SPEN: variants seen among roughly 807,000 people sequenced by gnomAD.
SPEN encodes the protein msx2-interacting protein.
SPEN carries 18 observed loss-of-function variants against 269.9 expected under a neutral mutation model. That is an observed-to-expected ratio of 0.07 (90% confidence interval 0.05 to 0.10). The LOEUF is 0.10. Ranked by LOEUF, SPEN falls within the 10% of genes least tolerant of loss-of-function variation. SPEN has a pLI of 1.00. For synonymous variants in SPEN, 1,726 were observed against 1,765.7 expected, an observed-to-expected ratio of 0.98 and a Z score of 0.56; for missense variants, 3,822 against 4,631.2, an observed-to-expected ratio of 0.83 and a Z score of 5.07.
chr1:15,899,541 T>TTTG (rs2070879289), intron 3 of SPEN, among the ~76,000 whole-genome samples: 1 of 146,532 alleles, frequency 6.8e-6, no homozygotes, highest in Non-Finnish European at 1.5e-5. Flanking sequence ...GGCAGAGTTT[T>TTTG]TTTTTTTTTT....
chr1:15,860,822 G>C (rs944769894), intron 1 of SPEN, among the ~76,000 whole-genome samples: 9 of 151,802 alleles, frequency 5.9e-5, no homozygotes, highest in Non-Finnish European at 7.4e-5. Context: ...GGATGGTCTC[G>C]ATAACCTGAC....
rs1188801107 is a variant in SPEN at position 15,934,756 on chromosome 1, C to T, written c.8516C>T (p.Pro2839Leu). 9.3e-6 allele frequency: 15 copies of T among 1,614,152 alleles called. No homozygotes were observed. Among genetic ancestry groups the T allele is most frequent in the East Asian group, 2.2e-5 (1 of 44,874 alleles). Residue 2839 changes from proline to leucine, a missense_variant, in exon 11 of 15, where the codon CCG (proline) becomes CTG (leucine). By Grantham distance (98) the Pro-to-Leu change is moderately conservative. This residue lies in a region of SPEN where 329 missense variants were observed against 431.2 expected (regional missense o/e 0.76). Transcript: ENST00000375759. This position sits in a 1 kb window ranked among gnomAD's most constrained non-coding sequence, Gnocchi z 9.2. ...RISAKISQIP[P>L]ASAMDIEFQQ... is the part of the protein sequence containing the mutation. ...AGCGCCAAGATCAGCCAGATCCCCC[C>T]GGCCAGTGCAATGGACATTGAATTT...
chr1:15,888,287 C>G (rs1288767193), intron 3 of SPEN, among the ~76,000 whole-genome samples: 1 of 150,392 alleles, frequency 6.6e-6, no homozygotes, highest in African/African-American at 2.4e-5. Flanking sequence ...ATTTGTTTGA[C>G]TTGGAAGCAA....
intron 1 of SPEN, among the ~76,000 whole-genome samples, chr1:15,857,558 T>C (rs2070399587): frequency 6.6e-6 from 1 of 152,098 alleles, no homozygotes; most frequent in Non-Finnish European, 1.5e-5. Context: ...GGTTTCACCA[T>C]GTTGGCCAGG....
In SPEN at chr1:15,891,232, T is replaced by G. The variant is rs2070784769; in HGVS notation, c.881+14554T>G. On this transcript the variant is annotated intron_variant, in intron 3 of 14. Coordinates refer to ENST00000375759, the MANE Select transcript of SPEN (RefSeq NM_015001.3). ...TAGAGGCAGTCTTGCTCTGTCACCC[T>G]GGCTGGAGTGGTGGTGCAATCATGG... 2.6e-5 allele frequency among the ~76,000 whole-genome samples: 4 copies of G among 152,196 alleles called. No individual in the cohort carries two copies. The South Asian group carries it at 8.3e-4, about 32-fold the overall frequency.
intron 5 of SPEN, among the ~76,000 whole-genome samples, chr1:15,911,806 C>CAA (rs2148729555): frequency 6.6e-6 from 1 of 152,212 alleles, no homozygotes; most frequent in African/African-American, 2.4e-5. Flanking sequence ...ACTAGAAATA[C>CAA]AAAAATTAGC....
intron 3 of SPEN, among the ~76,000 whole-genome samples, chr1:15,876,986 C>G (rs1293996700): frequency 3.9e-5 from 6 of 152,132 alleles, no homozygotes; most frequent in Non-Finnish European, 7.4e-5. Flanking sequence ...AATATGGTAT[C>G]TCTTTAACAT....
chr1:15,933,318 A>C lies in SPEN; in HGVS notation c.7078A>C (p.Asn2360His). The C allele has an allele frequency of 6.2e-7, 1 of 1,613,824 alleles. No homozygotes were observed. Among genetic ancestry groups the C allele is most frequent in the Non-Finnish European group, 8.5e-7 (1 of 1,179,946 alleles). ...APVESHVPES[N>H]QAQGESPAAN... ...TGTAGAGAGCCATGTCCCTGAATCC[A>C]ACCAAGCTCAAGGTGAGAGTCCTGC... is the stretch of plus-strand genomic sequence containing the variant. Residue 2360 changes from asparagine (N) to histidine (H), a missense_variant, in exon 11 of 15, where the codon AAC (asparagine) becomes CAC (histidine). Coordinates refer to ENST00000375759, the MANE Select transcript of SPEN (RefSeq NM_015001.3). The surrounding 1 kb of genome is among the most constrained non-coding windows in gnomAD (Gnocchi z 5.7).
At chr1:15,885,341 A>T (rs920224831) in intron 3 of SPEN, among the ~76,000 whole-genome samples, 1 of 152,186 alleles carries the variant, frequency 6.6e-6, no homozygotes, top group South Asian at 2.1e-4. Flanking sequence ...TTCAAAAGGG[A>T]GAATTTCTTG....
rs755146270 is a variant in SPEN at position 15,935,140 on chromosome 1, A to G, written c.8900A>G (p.Lys2967Arg). The G allele has an allele frequency of 3.8e-5, 62 of 1,613,508 alleles. No individual in the cohort carries two copies. Among genetic ancestry groups the G allele is most frequent in the Non-Finnish European group, 8.5e-7 (1 of 1,179,872 alleles). Residue 2967 changes from lysine to arginine, a missense_variant, in exon 11 of 15, where the codon AAA becomes AGA. Lys to Arg is a conservative substitution (Grantham distance 26, BLOSUM62 2). Around this residue, in one of 16 missense-constraint regions of SPEN, gnomAD observed 20 missense variants for 60.7 expected, o/e 0.33. Coordinates refer to ENST00000375759, the MANE Select transcript of SPEN (RefSeq NM_015001.3). This position sits in a 1 kb window ranked among gnomAD's most constrained non-coding sequence, Gnocchi z 7.7. The part of the protein sequence containing the change: ...NKKLADPVTL[K>R]IETKVLQPAN... ...AAGCTTGCTGACCCCGTCACCCTTA[A>G]AATCGAGACCAAGGTCCTTCAGCCG...
intron 1 of SPEN, among the ~76,000 whole-genome samples, chr1:15,867,930 A>T (rs1206118437): frequency 6.6e-6 from 1 of 151,848 alleles, no homozygotes; most frequent in Admixed American, 6.6e-5. Flanking sequence ...GCCTCCTGGG[A>T]TCAAGCAATC....
At position 15,928,225 on chromosome 1, in the gene SPEN, A is replaced by G. The variant is rs762224428; in HGVS notation, c.1985A>G (p.Glu662Gly). ...ARGREFYSEW[E>G]TYQGDYYESR... ...GGGAGAGAGTTTTATTCAGAATGGG[A>G]AACTTACCAAGGAGACTACTATGAA... The change falls in exon 11 of 15, where the codon GAA (glutamate) becomes GGA (glycine). Residue 662 changes from glutamate to glycine, a missense_variant. By Grantham distance (98) the Glu-to-Gly change is moderately conservative (BLOSUM62 -2). This residue lies in a region of SPEN where 230 missense variants were observed against 426.1 expected (regional missense o/e 0.54). Transcript: ENST00000375759. This position sits in a 1 kb window ranked among gnomAD's most constrained non-coding sequence, Gnocchi z 5.7. The G allele has an allele frequency of 1.6e-5, 26 of 1,614,072 alleles. No individual in the cohort carries two copies. The highest frequency in any genetic ancestry group is 2.1e-5 in the Non-Finnish European group (25 of 1,180,034).
At chr1:15,865,722 A>C (rs567492185) in intron 1 of SPEN, among the ~76,000 whole-genome samples, 67 of 152,094 alleles carry the variant, frequency 4.4e-4, no homozygotes, top group African/African-American at 1.6e-3. Flanking sequence ...CACCGCACCC[A>C]GCCACATTTG....
intron 1 of SPEN, among the ~76,000 whole-genome samples, chr1:15,871,083 C>T (rs1342714470): frequency 6.6e-6 from 1 of 152,160 alleles, no homozygotes; most frequent in Non-Finnish European, 1.5e-5. Context: ...ATTCTCCTGC[C>T]TCAGCCTCCT....
intron 3 of SPEN, among the ~76,000 whole-genome samples, chr1:15,896,122 A>G (rs921539527): frequency 6.9e-6 from 1 of 144,416 alleles, no homozygotes; most frequent in African/African-American, 2.6e-5. Context: ...TATGTAAACT[A>G]TTGGACTTGA....
At chr1:15,909,278 G>GTTT in intron 3 of SPEN, 43 bp from the exon 4 acceptor site, 1 of 1,575,354 alleles carries the variant, frequency 6.3e-7, no homozygotes, top group Non-Finnish European at 8.6e-7. Context: ...CTCATTTTCT[G>GTTT]TTTGTCTTTT....
rs34195453 is a variant in SPEN at position 15,859,905 on chromosome 1, C to CTTTTTTTTTTTTTT, written c.83+11766_83+11779dup. ...AGTATAAAGAATGATCAGTTAACAT[C>CTTTTTTTTTTTTTT]TTTTTTTTTTTTTTTTTTTTTTTTG... On this transcript the variant is annotated intron_variant, in intron 1 of 14. Transcript: ENST00000375759. Among the ~76,000 whole-genome samples the CTTTTTTTTTTTTTT allele has an allele frequency of 5.7e-4, 45 of 79,632 alleles. 7 individuals carry two copies. Among genetic ancestry groups the CTTTTTTTTTTTTTT allele is most frequent in the African/African-American group, 1.1e-3 (21 of 18,772 alleles). The allele number at this position is 79,632 out of a possible 152,430, so 52.2% of individuals were successfully genotyped here. A position where few individuals can be genotyped will look rare whatever the true frequency, so the allele number is the denominator to read the frequency against.
intron 10 of SPEN, among the ~76,000 whole-genome samples, chr1:15,926,217 G>A (rs925078017): frequency 6.6e-6 from 1 of 152,064 alleles, no homozygotes; most frequent in African/African-American, 2.4e-5. Context: ...CCAACACAGT[G>A]AAACCTGTCT....
chr1:15,924,538 G>T (rs1358493004), intron 10 of SPEN, among the ~76,000 whole-genome samples: 4 of 151,892 alleles, frequency 2.6e-5, no homozygotes, highest in African/African-American at 9.7e-5. Context: ...TTGGCTTACC[G>T]CAACCTCTGC....
Sources: allele counts gnomAD v4.1 joint callset (sites outside exome capture counted in the v4.1 genomes callset), GRCh38; gene constraint gnomAD v4.1.1; regional missense constraint gnomAD v4.1.1; non-coding constraint Gnocchi (gnomAD v3.1); transcripts MANE v1.5; gene names NCBI Gene and HGNC (gene_info 2026-07-23, HGNC 2026-07-21).